SLC9C1: variants seen among roughly 807,000 people sequenced by gnomAD.
SLC9C1 encodes sodium/hydrogen exchanger 10.
In SLC9C1, 97 loss-of-function variants were observed where a neutral mutation model predicts 140.9. That is an observed-to-expected ratio of 0.69 (90% CI 0.58 to 0.82). The LOEUF is 0.82. Ranked by LOEUF, SLC9C1 falls within the 40% of genes least tolerant of loss-of-function variation. The probability of loss-of-function intolerance (pLI) is 0.00; values close to 1 mark genes in which losing one functional copy is unlikely to be tolerated. For synonymous variants in SLC9C1, 440 were observed against 442.6 expected (o/e 0.99, Z 0.07); for missense variants, 1,340 against 1,389.3 (o/e 0.96, Z 0.56).
At chr3:112,169,460 T>G (rs1177698970) in intron 23 of SLC9C1, 132 bp from the exon 24 acceptor site, 1 of 846,546 alleles carries the variant, frequency 1.2e-6, no homozygotes, top group African/African-American at 1.7e-5. Context: ...GCATGGAAAC[T>G]TAGTAAAATG....
At chr3:112,229,493 C>T (rs2078765054) in intron 13 of SLC9C1, among the ~76,000 whole-genome samples, 1 of 152,106 alleles carries the variant, frequency 6.6e-6, no homozygotes, top group East Asian at 1.9e-4. Context: ...AAAAATTACC[C>T]TCTTGACCCT....
At chr3:112,164,838 G>A (rs1189055615) in intron 26 of SLC9C1, among the ~76,000 whole-genome samples, 1 of 152,112 alleles carries the variant, frequency 6.6e-6, no homozygotes, top group Non-Finnish European at 1.5e-5. Flanking sequence ...GATTGGGGAA[G>A]TTCTCCTGGA....
Position 112,260,006 on chromosome 3 carries a change from T to C in SLC9C1, c.1197+2918A>G, listed in dbSNP as rs562838488. ...TTGATATAATTTCCATAAATATCAA[T>C]TGGATCCTATTTGTCAATGATGATT... On this transcript the variant is annotated intron_variant, in intron 10 of 28. Transcript: ENST00000305815. 3.9e-4 allele frequency among the ~76,000 whole-genome samples: 59 copies of C among 152,280 alleles called. 1 individual carries two copies. Among genetic ancestry groups the C allele is most frequent in the Admixed American group, 3.4e-3 (52 of 15,276 alleles).
At chr3:112,231,210 C>T in intron 13 of SLC9C1, 151 bp downstream of exon 13, 1 of 683,512 alleles carries the variant, frequency 1.5e-6, no homozygotes, top group Non-Finnish European at 2.2e-6. Flanking sequence ...TTTTTCTTTC[C>T]AATCAAGCAG....
rs770021339 is a variant in SLC9C1, at chr3:112,199,309, A to C, written c.2523+12T>G. The C allele has an allele frequency of 1.3e-6, 2 of 1,535,436 alleles. No individual in the cohort carries two copies. The highest frequency in any genetic ancestry group is 1.7e-6 in the Non-Finnish European group (2 of 1,143,830). ...AAGTAAATATACTTGCTTTGAAAAT[A>C]TTTTGCCTTACCTTATTAATTCCAG... On this transcript the variant is annotated intron_variant, in intron 20 of 28. Coordinates refer to ENST00000305815, the MANE Select transcript of SLC9C1 (RefSeq NM_183061.3).
intron 15 of SLC9C1, among the ~76,000 whole-genome samples, chr3:112,209,565 G>A (rs1157160612): frequency 6.6e-6 from 1 of 152,070 alleles, no homozygotes; most frequent in Non-Finnish European, 1.5e-5. Flanking sequence ...GTCTCTATTT[G>A]TGGATGACAT....
At chr3:112,276,760 A>G (rs1462471198) in intron 5 of SLC9C1, among the ~76,000 whole-genome samples, 1 of 152,064 alleles carries the variant, frequency 6.6e-6, no homozygotes, top group East Asian at 1.9e-4. Context: ...ACAAGGAGGC[A>G]GGGATGTGTG....
At chr3:112,167,038 A>G (rs1382352487) in intron 26 of SLC9C1, among the ~76,000 whole-genome samples, 183 bp downstream of exon 26, 1 of 152,166 alleles carries the variant, frequency 6.6e-6, no homozygotes, top group African/African-American at 2.4e-5. Context: ...GAAATATATA[A>G]TAATTTAAAA....
At chr3:112,230,581 G>A (rs544047033) in intron 13 of SLC9C1, among the ~76,000 whole-genome samples, 2 of 152,126 alleles carry the variant, frequency 1.3e-5, no homozygotes, top group Admixed American at 6.6e-5. Context: ...CAACTTGTCT[G>A]CTAAGACTAC....
chr3:112,222,004 T>C (rs746668773), intron 13 of SLC9C1, among the ~76,000 whole-genome samples: 1 of 152,030 alleles, frequency 6.6e-6, no homozygotes, highest in Non-Finnish European at 1.5e-5. Flanking sequence ...CTGCTTCGTT[T>C]TGGGGAAATA....
At chr3:112,292,540 G>C (rs1253231919) in intron 1 of SLC9C1, among the ~76,000 whole-genome samples, 1 of 151,970 alleles carries the variant, frequency 6.6e-6, no homozygotes, top group African/African-American at 2.4e-5. Context: ...AGAATAAACA[G>C]GTTTTCTTTT....
intron 26 of SLC9C1, among the ~76,000 whole-genome samples, chr3:112,161,846 T>A (rs1235175348): frequency 6.7e-6 from 1 of 150,254 alleles, no homozygotes; most frequent in African/African-American, 2.4e-5. Context: ...ATTGAATCTG[T>A]AAATTACCTT....
rs543424265 is a variant in SLC9C1 at position 112,224,122 on chromosome 3, T to C, written c.1573-2897A>G. The stretch of plus-strand genomic sequence containing the variant: ...CATGGTAGCATAGCCAGCTCCCTCA[T>C]TCACAAGGGAGCAGACCCCACATAG... On this transcript the variant is annotated intron_variant, in intron 13 of 28. Coordinates refer to ENST00000305815, the MANE Select transcript of SLC9C1 (RefSeq NM_183061.3). Among the ~76,000 whole-genome samples, 8 of 152,256 alleles carry C rather than the reference T, an allele frequency of 5.3e-5. No homozygotes were observed. The East Asian group carries it at 1.3e-3, about 26-fold the overall frequency.
chr3:112,171,085 G>T (rs1322460993), intron 23 of SLC9C1, among the ~76,000 whole-genome samples: 2 of 152,084 alleles, frequency 1.3e-5, no homozygotes, highest in South Asian at 2.1e-4. Context: ...ATGGTGGCAC[G>T]TGACTGTAAT....
intron 10 of SLC9C1, among the ~76,000 whole-genome samples, chr3:112,248,592 C>T (rs9813794): frequency 0.59 from 89,943 of 151,866 alleles, 27,139 homozygotes; most frequent in East Asian, 0.79. Flanking sequence ...TTCATGATTT[C>T]GCTAAATTCA....
At chr3:112,218,089 TA>T (rs1224177461) in intron 14 of SLC9C1, among the ~76,000 whole-genome samples, 1 of 152,032 alleles carries the variant, frequency 6.6e-6, no homozygotes. Context: ...TGAGTTAAAA[TA>T]GTAACTTAGA....
Position 112,202,408 on chromosome 3 carries a change from A to T in SLC9C1, c.2173-9T>A, listed in dbSNP as rs1237840153. On this transcript the variant is annotated splice_polypyrimidine_tract_variant and intron_variant, in intron 17 of 28. Transcript: ENST00000305815. ...AACTTTGGTGCTATGAGCTGAATTA[A>T]ACAGGACTTCCATTAATATAAATTG... is the stretch of plus-strand genomic sequence containing the variant. 2 of 1,578,406 alleles carry T rather than the reference A, an allele frequency of 1.3e-6. No individual in the cohort carries two copies. The highest frequency in any genetic ancestry group is 8.6e-7 in the Non-Finnish European group (1 of 1,161,358).
At chr3:112,252,226 C>A (rs2079480064) in intron 10 of SLC9C1, among the ~76,000 whole-genome samples, 1 of 151,780 alleles carries the variant, frequency 6.6e-6, no homozygotes. Flanking sequence ...TGGAAAAGTC[C>A]CCCAGAACAG....
rs534678683 is a variant in SLC9C1 at position 112,169,205 on chromosome 3, A to C, written c.3043T>G (p.Ser1015Ala). The C allele has an allele frequency of 6.2e-7, 1 of 1,612,516 alleles. No homozygotes were observed. Among genetic ancestry groups the C allele is most frequent in the African/African-American group, 1.3e-5 (1 of 74,982 alleles). The change falls in exon 24 of 29, where the codon TCT becomes GCT. Residue 1015 changes from serine to alanine, a missense_variant. By Grantham distance (99) the Ser-to-Ala change is moderately conservative. Coordinates refer to ENST00000305815, the MANE Select transcript of SLC9C1 (RefSeq NM_183061.3). ...ITARKIREHLSYEDWNYNMQL... is the reference protein window; with the variant it reads ...ITARKIREHLAYEDWNYNMQL... ...ATACAAGCACTTCCTACCTCATAAG[A>C]TAAGTGTTCTCTGATTTTTCTGGCT... is the stretch of plus-strand genomic sequence containing the variant.
Sources: gnomAD v4.1 joint callset for allele counts (sites outside exome capture counted in the v4.1 genomes callset) on GRCh38, gnomAD v4.1.1 for gene constraint, MANE v1.5 for transcripts, NCBI Gene and HGNC (gene_info 2026-07-23, HGNC 2026-07-21) for gene names.